UGGT1: variants seen among roughly 807,000 people sequenced by gnomAD.
The protein encoded by UGGT1 is UDP-glucose:glycoprotein glucosyltransferase 1.
UGGT1 carries 107 observed loss-of-function variants against 203.9 expected under a neutral mutation model. That is an observed-to-expected ratio of 0.52 (90% CI 0.45 to 0.62). UGGT1 has a LOEUF of 0.62. Ranked by LOEUF, UGGT1 falls within the 20% of genes least tolerant of loss-of-function variation. The pLI, the probability that UGGT1 is intolerant of heterozygous loss-of-function variation, is 0.00. For synonymous variants in UGGT1, 628 were observed against 653.5 expected (o/e 0.96, Z 0.59); for missense variants, 1,673 against 1,867.2 (o/e 0.90, Z 1.92).
intron 33 of UGGT1, 103 bp from the exon 34 acceptor site, chr2:128,178,365 G>A (rs114639343): frequency 1.3e-5 from 13 of 1,000,872 alleles, no homozygotes; most frequent in East Asian, 9.8e-5. Context: ...CAGCTCACCC[G>A]CTAGGGAAGG....
intron 26 of UGGT1, 103 bp from the exon 27 acceptor site, chr2:128,170,184 TA>T: frequency 1.1e-6 from 1 of 884,528 alleles, no homozygotes; most frequent in Non-Finnish European, 1.8e-6. Flanking sequence ...TTTCTAGATC[TA>T]AAGTTCTTTG....
Position 128,160,628 on chromosome 2 carries a change from G to A in UGGT1, c.2694+37G>A, listed in dbSNP as rs1007118632. On this transcript the variant is annotated intron_variant, in intron 24 of 40. Transcript: ENST00000259253. ...TCAAGCTTGACTTCACATTAGATCC[G>A]TGAACAGTCTTTGCAGCATTCTCCT... The A allele has an allele frequency of 1.6e-5, 25 of 1,585,560 alleles. No homozygotes were observed. The African/African-American group carries it at 2.8e-4, about 18-fold the overall frequency.
chr2:128,102,761 A>C (rs1344323562), intron 2 of UGGT1, among the ~76,000 whole-genome samples: 1 of 152,150 alleles, frequency 6.6e-6, no homozygotes, highest in Non-Finnish European at 1.5e-5. Context: ...ATTGAATCTT[A>C]GTTCTCACCA....
chr2:128,186,872 A>G (rs1179437306), intron 39 of UGGT1, 73 bp downstream of exon 39: 16 of 1,130,766 alleles, frequency 1.4e-5, no homozygotes, highest in Non-Finnish European at 1.9e-5. Context: ...AATGATTTTT[A>G]TTTAGATTCT....
chr2:128,169,048 TAAAAAAAAA>T (rs544381740), intron 26 of UGGT1, among the ~76,000 whole-genome samples: 10 of 52,560 alleles, frequency 1.9e-4, no homozygotes, highest in East Asian at 6.0e-4. Flanking sequence ...ACTCTGTCTT[TAAAAAAAAA>T]AAAAAAAAAA....
chr2:128,164,311 A>G (rs1690672896), intron 25 of UGGT1, among the ~76,000 whole-genome samples: 1 of 152,266 alleles, frequency 6.6e-6, no homozygotes, highest in Admixed American at 6.5e-5. Context: ...GAGCCAAAAT[A>G]TCAGACCTTG....
At chr2:128,149,968 A>G (rs1689871472) in intron 18 of UGGT1, among the ~76,000 whole-genome samples, 1 of 152,168 alleles carries the variant, frequency 6.6e-6, no homozygotes, top group Non-Finnish European at 1.5e-5. Flanking sequence ...GTCTCAAAAA[A>G]TATATAAGTA....
At chr2:128,169,405 A>G (rs1229414123) in intron 26 of UGGT1, among the ~76,000 whole-genome samples, 1 of 50,818 alleles carries the variant, frequency 2.0e-5, no homozygotes, top group Non-Finnish European at 4.5e-5. Context: ...CAGGCAAAAT[A>G]TCTATCTATA....
chr2:128,099,369 C>T (rs1436508546), intron 2 of UGGT1, among the ~76,000 whole-genome samples: 2 of 152,090 alleles, frequency 1.3e-5, no homozygotes, highest in Non-Finnish European at 2.9e-5. Flanking sequence ...GTCTGGAACT[C>T]CTGAGCTCAA....
intron 12 of UGGT1, 107 bp from the exon 13 acceptor site, chr2:128,128,922 A>T: frequency 1.8e-6 from 2 of 1,098,936 alleles, no homozygotes; most frequent in Non-Finnish European, 2.5e-6. Flanking sequence ...TTTCTCAATT[A>T]ATTTGATTTG....
At chr2:128,155,188 A>C (rs944274529) in intron 19 of UGGT1, among the ~76,000 whole-genome samples, 1 of 152,174 alleles carries the variant, frequency 6.6e-6, no homozygotes, top group African/African-American at 2.4e-5. Flanking sequence ...TCTCTTTGAG[A>C]TTGTCCTCCA....
intron 15 of UGGT1, 81 bp from the exon 16 acceptor site, chr2:128,138,636 A>G: frequency 2.0e-6 from 3 of 1,492,826 alleles, no homozygotes; most frequent in South Asian, 2.6e-5. Flanking sequence ...ATAATGTATG[A>G]GAAGGGTACA....
In UGGT1 at chr2:128,160,440, A is replaced by G; in HGVS notation, c.2563-20A>G. ...TGCTTAGTAACGACTATTTTTCCTT[A>G]ATAATGATTACTTTCCTAGGGAATG... On this transcript the variant is annotated intron_variant, in intron 23 of 40. Transcript: ENST00000259253. 1 of 1,579,462 alleles carries G rather than the reference A, an allele frequency of 6.3e-7. No homozygotes were observed. Among genetic ancestry groups the G allele is most frequent in the Non-Finnish European group, 8.6e-7 (1 of 1,166,268 alleles).
At chr2:128,164,688 C>A in intron 25 of UGGT1, 42 bp from the exon 26 acceptor site, 1 of 1,544,892 alleles carries the variant, frequency 6.5e-7, no homozygotes, top group South Asian at 1.1e-5. Context: ...GGAAAACTTT[C>A]AGTTAAAAAG....
intron 38 of UGGT1, among the ~76,000 whole-genome samples, chr2:128,186,302 A>G (rs895052592): frequency 1.3e-5 from 2 of 152,192 alleles, no homozygotes; most frequent in Admixed American, 1.3e-4. Context: ...CTGATGTTCT[A>G]TACGTTTGTC....
chr2:128,161,989 C>T (rs1057391758), intron 25 of UGGT1, among the ~76,000 whole-genome samples: 23 of 152,040 alleles, frequency 1.5e-4, no homozygotes, highest in Admixed American at 1.1e-3. Context: ...TCAAGGGTGC[C>T]GGTTTCTCCA....
intron 18 of UGGT1, among the ~76,000 whole-genome samples, chr2:128,149,702 G>A (rs958377224): frequency 6.6e-6 from 1 of 151,896 alleles, no homozygotes; most frequent in Non-Finnish European, 1.5e-5. Context: ...GAACCTGGGA[G>A]GCAGAGGTTC....
Position 128,134,626 on chromosome 2 carries a change from G to A in UGGT1, c.1498-250G>A, listed in dbSNP as rs73955934. Among the ~76,000 whole-genome samples the A allele has an allele frequency of 9.5e-3, 1,450 of 152,262 alleles. 23 individuals are homozygous for A. Among genetic ancestry groups the A allele is most frequent in the African/African-American group, 0.032 (1,324 of 41,562 alleles). ...TTTCATTTGGTGTAGTAGAAAAAGC[G>A]GCATCATCACTTTGGAGTACAGTTC... On this transcript the variant is annotated intron_variant, in intron 14 of 40. Coordinates refer to ENST00000259253, the MANE Select transcript of UGGT1 (RefSeq NM_020120.4).
intron 13 of UGGT1, among the ~76,000 whole-genome samples, chr2:128,129,924 C>T (rs1439075177): frequency 6.6e-6 from 1 of 152,048 alleles, no homozygotes; most frequent in African/African-American, 2.4e-5. Flanking sequence ...TTTTGCCTGC[C>T]ATATGATCTT....
Sources: gnomAD v4.1 joint callset for allele counts (sites outside exome capture counted in the v4.1 genomes callset) on GRCh38, gnomAD v4.1.1 for gene constraint, MANE v1.5 for transcripts, NCBI Gene and HGNC (gene_info 2026-07-23, HGNC 2026-07-21) for gene names.